Variants in DNHD1 observed in about 807,000 individuals in gnomAD.
The protein encoded by DNHD1 is dynein heavy chain domain 1, also known as dynein heavy chain domain-containing protein 1.
Under a neutral mutation model 458.1 loss-of-function variants are expected in DNHD1, and 383 were observed. The ratio of observed to expected loss-of-function variants is 0.84; its 90% CI spans 0.77 to 0.91. The LOEUF is 0.91. DNHD1 is among the 40% of genes least tolerant of loss of function. The probability of loss-of-function intolerance (pLI) is 0.00; values close to 1 mark genes in which losing one functional copy is unlikely to be tolerated. For missense variants in DNHD1, 5,336 were observed against 5,866.1 expected (o/e 0.91, Z 2.95); for synonymous variants, 2,203 against 2,376.9 (o/e 0.93, Z 2.13).
At chr11:6,524,986 T>C (rs1264154170) in intron 10 of DNHD1, among the ~76,000 whole-genome samples, 1 of 152,220 alleles carries the variant, frequency 6.6e-6, no homozygotes, top group Non-Finnish European at 1.5e-5. Flanking sequence ...CACTCTTTCC[T>C]GCTTTTAGCT....
At position 6,558,185 on chromosome 11, in the gene DNHD1, G is replaced by C; in HGVS notation, c.8890G>C (p.Gly2964Arg). 6.4e-7 allele frequency: 1 copy of C among 1,551,684 alleles called. No individual in the cohort carries two copies. Among genetic ancestry groups the C allele is most frequent in the Non-Finnish European group, 8.7e-7 (1 of 1,146,990 alleles). ...TCGCCTCCTGGCCCTGGCAACCTCA[G>C]GCAGTTTCCCTGGCCAGTACACAGA... Reference protein sequence around the residue: ...LHRLLALATSGSFPGQYTEAD... With the variant: ...LHRLLALATSRSFPGQYTEAD... The change falls in exon 25 of 43, where the codon GGC becomes CGC. Residue 2964 changes from glycine to arginine, a missense_variant. This residue lies in a region of DNHD1 where 3,932 missense variants were observed against 4,365.6 expected (regional missense o/e 0.90). Coordinates refer to ENST00000254579, the MANE Select transcript of DNHD1 (RefSeq NM_144666.3).
Position 6,529,041 on chromosome 11 carries a change from G to A in DNHD1, c.2267G>A (p.Arg756His), listed in dbSNP as rs1023822476. 112 of 1,551,116 alleles carry A rather than the reference G, an allele frequency of 7.2e-5. No homozygotes were observed. The highest frequency in any genetic ancestry group is 4.2e-4 in the East Asian group (17 of 40,916). Residue 756 changes from arginine (R) to histidine (H), a missense_variant, in exon 12 of 43, where the codon CGT becomes CAT. Physicochemically the swap from Arg to His is conservative, Grantham distance 29. This residue lies in a region of DNHD1 where 3,932 missense variants were observed against 4,365.6 expected (regional missense o/e 0.90). Coordinates refer to ENST00000254579, the MANE Select transcript of DNHD1 (RefSeq NM_144666.3). ...LVSRLNVWQA[R>H]VSSMPIELLT... ...AGCCGCCTGAATGTTTGGCAGGCCCGTGTCTCCAGTATGCCTATCGAGTTG... is the reference window on the plus strand; with the variant it reads ...AGCCGCCTGAATGTTTGGCAGGCCCATGTCTCCAGTATGCCTATCGAGTTG...
intron 24 of DNHD1, among the ~76,000 whole-genome samples, chr11:6,553,042 A>G (rs1372295636): frequency 2.0e-5 from 3 of 152,240 alleles, no homozygotes; most frequent in African/African-American, 7.2e-5. Context: ...CTAAGCCATG[A>G]TGAAGACATT....
chr11:6,533,923 G>C lies in DNHD1; in HGVS notation c.2748G>C (p.Gln916His). Residue 916 changes from glutamine (Q) to histidine (H), a missense_variant, in exon 14 of 43, where the codon CAG (glutamine) becomes CAC (histidine). By Grantham distance (24) the Gln-to-His change is conservative. Around this residue, in one of 4 missense-constraint regions of DNHD1, gnomAD observed 3,932 missense variants for 4,365.6 expected, o/e 0.90. Coordinates refer to ENST00000254579, the MANE Select transcript of DNHD1 (RefSeq NM_144666.3). ...TTCTGGATATGTGGGAGGCATTTCA[G>C]TTTGAGAAAAGCCAGGCTTCAGAGT... The part of the protein sequence containing the change: ...PQLLDMWEAF[Q>H]FEKSQASEFL... 6.4e-7 allele frequency: 1 copy of C among 1,551,244 alleles called. No individual in the cohort carries two copies. The highest frequency in any genetic ancestry group is 8.7e-7 in the Non-Finnish European group (1 of 1,146,908).
At position 6,511,408 on chromosome 11, in the gene DNHD1, C is replaced by G; in HGVS notation, c.1371C>G (p.Leu457=). The G allele has an allele frequency of 6.2e-7, 1 of 1,614,262 alleles. No individual in the cohort carries two copies. The highest frequency in any genetic ancestry group is 1.1e-5 in the South Asian group (1 of 91,082). Residue 457 remains leucine (L), a synonymous_variant, in exon 7 of 43, where the codon CTC becomes CTG. Transcript: ENST00000254579. ...ALRLLHRCLN[L]CTSILRLVHE... The stretch of plus-strand genomic sequence containing the variant: ...GGCTGCTCCATCGTTGCCTAAACCT[C>G]TGCACATCCATTCTTCGACTGGTAA...
Position 6,571,111 on chromosome 11 carries a change from A to G in DNHD1, c.13599A>G (p.Leu4533=), listed in dbSNP as rs749987474. 4.3e-5 allele frequency: 69 copies of G among 1,599,048 alleles called. No homozygotes were observed. Among genetic ancestry groups the G allele is most frequent in the Non-Finnish European group, 5.6e-5 (66 of 1,174,430 alleles). Residue 4533 remains leucine, a synonymous_variant, in exon 42 of 43, where the codon CTA becomes CTG. Transcript: ENST00000254579. This position sits in a 1 kb window ranked among gnomAD's most constrained non-coding sequence, Gnocchi z 5.0. ...AVAHALWTGR[L]PLPWRPHAPA... ...CCCACGCTCTCTGGACTGGCCGCCTACCCTTGCCTTGGCGACCTCATGCGC... is the reference window on the plus strand; with the variant it reads ...CCCACGCTCTCTGGACTGGCCGCCTGCCCTTGCCTTGGCGACCTCATGCGC...
rs1398734627 is a variant in DNHD1 at position 6,571,077 on chromosome 11, C to A, written c.13565C>A (p.Ala4522Asp). 1 of 1,586,258 alleles carries A rather than the reference C, an allele frequency of 6.3e-7. No homozygotes were observed. The highest frequency in any genetic ancestry group is 1.1e-5 in the South Asian group (1 of 88,242). The stretch of plus-strand genomic sequence containing the variant: ...CCCCCGTGCCCCTCCCGCCGCTGTG[C>A]TGCGGTGGCCCACGCTCTCTGGACT... ...GAPPCPSRRC[A>D]AVAHALWTGR... Residue 4522 changes from alanine (A) to aspartate (D), a missense_variant, in exon 42 of 43, where the codon GCT (alanine) becomes GAT (aspartate). This residue lies in a region of DNHD1 where 698 missense variants were observed against 664.9 expected (regional missense o/e 1.05). Transcript: ENST00000254579. This position sits in a 1 kb window ranked among gnomAD's most constrained non-coding sequence, Gnocchi z 5.0.
rs1188665251 is a variant in DNHD1, at chr11:6,571,059, G to A, written c.13547G>A (p.Cys4516Tyr). The A allele has an allele frequency of 1.1e-5, 17 of 1,575,248 alleles. No homozygotes were observed. The highest frequency in any genetic ancestry group is 2.3e-5 in the East Asian group (1 of 44,394). ...CAGCAGCTGAAGGGCGCACCCCCGT[G>A]CCCCTCCCGCCGCTGTGCTGCGGTG... ...LLQQLKGAPP[C>Y]PSRRCAAVAH... The change falls in exon 42 of 43, where the codon TGC becomes TAC. Residue 4516 changes from cysteine (C) to tyrosine (Y), a missense_variant. Physicochemically the swap from Cys to Tyr is radical, Grantham distance 194. This residue lies in a region of DNHD1 where 698 missense variants were observed against 664.9 expected (regional missense o/e 1.05). Transcript: ENST00000254579. The surrounding 1 kb of genome is among the most constrained non-coding windows in gnomAD (Gnocchi z 5.0).
chr11:6,552,251 T>C (rs540531118), intron 24 of DNHD1, among the ~76,000 whole-genome samples: 1 of 151,194 alleles, frequency 6.6e-6, no homozygotes, highest in Non-Finnish European at 1.5e-5. Context: ...AGGCCAGGCA[T>C]GGTGGCTCAC....
intron 24 of DNHD1, among the ~76,000 whole-genome samples, chr11:6,551,948 A>G (rs977162179): frequency 6.9e-6 from 1 of 144,402 alleles, no homozygotes; most frequent in Non-Finnish European, 1.5e-5. Context: ...CTCCAAAAAA[A>G]AAAAGGGGAG....
intron 10 of DNHD1, among the ~76,000 whole-genome samples, chr11:6,527,614 G>A (rs1852736721): frequency 6.6e-6 from 1 of 152,134 alleles, no homozygotes; most frequent in South Asian, 2.1e-4. Flanking sequence ...TCTTTAAATG[G>A]GATTGGAGTT....
intron 15 of DNHD1, 44 bp from the exon 16 acceptor site, chr11:6,538,568 G>A (rs958721967): frequency 1.1e-4 from 165 of 1,550,790 alleles, no homozygotes; most frequent in Non-Finnish European, 1.4e-4. Flanking sequence ...AGTGGTGGGG[G>A]AGGGGAAGAG....
chr11:6,571,920 C>G lies in DNHD1; in HGVS notation c.14196C>G (p.Pro4732=). ...SRNIVMHLPL[P]TKLTPNTCVQ... ...ACATCGTGATGCATCTGCCTTTACC[C>G]ACCAAGCTCACCCCCAACACCTGTG... Residue 4732 remains proline, a synonymous_variant, in exon 43 of 43, where the codon CCC becomes CCG. Coordinates refer to ENST00000254579, the MANE Select transcript of DNHD1 (RefSeq NM_144666.3). This position sits in a 1 kb window ranked among gnomAD's most constrained non-coding sequence, Gnocchi z 5.0. 6.2e-7 allele frequency: 1 copy of G among 1,614,032 alleles called. No homozygotes were observed. Among genetic ancestry groups the G allele is most frequent in the Non-Finnish European group, 8.5e-7 (1 of 1,179,900 alleles).
At position 6,557,493 on chromosome 11, in the gene DNHD1, C is replaced by G. The variant is rs562364283; in HGVS notation, c.8198C>G (p.Pro2733Arg). ...SNSETEEEEE[P>R]YGLQVARVSN... ...AGTGAAACAGAGGAGGAAGAGGAAC[C>G]TTATGGCCTTCAGGTCGCCAGAGTC... Residue 2733 changes from proline to arginine, a missense_variant, in exon 25 of 43, where the codon CCT (proline) becomes CGT (arginine). Pro to Arg is a moderately radical substitution (Grantham distance 103). Transcript: ENST00000254579. 1 of 1,551,682 alleles carries G rather than the reference C, an allele frequency of 6.4e-7. No homozygotes were observed.
chr11:6,516,803 C>T (rs1852479509), intron 7 of DNHD1, among the ~76,000 whole-genome samples: 1 of 152,072 alleles, frequency 6.6e-6, no homozygotes, highest in African/African-American at 2.4e-5. Context: ...CCATATCGTT[C>T]TCCCAAGCAG....
Position 6,548,070 on chromosome 11 carries a change from C to T in DNHD1, c.6905+30C>T. 1 of 1,551,434 alleles carries T rather than the reference C, an allele frequency of 6.4e-7. No individual in the cohort carries two copies. The highest frequency in any genetic ancestry group is 2.0e-5 in the Admixed American group (1 of 51,008). ...CTACCAGGATGGGGGATGGGAGATG[C>T]AGAGGGCTGAGATGGACTGGCCCAT... On this transcript the variant is annotated intron_variant, in intron 22 of 42. Coordinates refer to ENST00000254579, the MANE Select transcript of DNHD1 (RefSeq NM_144666.3). The surrounding 1 kb of genome is among the most constrained non-coding windows in gnomAD (Gnocchi z 4.4).
chr11:6,555,742 A>G (rs969045687), intron 24 of DNHD1, among the ~76,000 whole-genome samples: 2 of 152,224 alleles, frequency 1.3e-5, no homozygotes, highest in Non-Finnish European at 2.9e-5. Context: ...AGAACAGACA[A>G]AGCTAACCTA....
rs1371972054 is a variant in DNHD1 at position 6,571,455 on chromosome 11, C to T, written c.13911+32C>T. ...TCGCGCCGCCCCTCGTTCGCGGTTC[C>T]AGTCCCCTCGAAGTCTCTAATTACA... On this transcript the variant is annotated intron_variant, in intron 42 of 42. Transcript: ENST00000254579. The surrounding 1 kb of genome is among the most constrained non-coding windows in gnomAD (Gnocchi z 5.0). 6.5e-7 allele frequency: 1 copy of T among 1,534,340 alleles called. No homozygotes were observed. Among genetic ancestry groups the T allele is most frequent in the Non-Finnish European group, 8.8e-7 (1 of 1,136,262 alleles).
chr11:6,501,998 G>A (rs1029687699), intron 3 of DNHD1, among the ~76,000 whole-genome samples: 5 of 152,104 alleles, frequency 3.3e-5, no homozygotes, highest in Non-Finnish European at 5.9e-5. Flanking sequence ...GTCAGTTAAT[G>A]ATACTGGTAT....
Sources: allele counts gnomAD v4.1 joint callset (sites outside exome capture counted in the v4.1 genomes callset), GRCh38; gene constraint gnomAD v4.1.1; regional missense constraint gnomAD v4.1.1; non-coding constraint Gnocchi (gnomAD v3.1); transcripts MANE v1.5; gene names NCBI Gene and HGNC (gene_info 2026-07-23, HGNC 2026-07-21).